GOLM2: variants seen among roughly 807,000 people sequenced by gnomAD.
GOLM2 encodes the protein golgi membrane protein 2.
In GOLM2, 26 loss-of-function variants were observed where a neutral mutation model predicts 55.9. The ratio of observed to expected loss-of-function variants is 0.47; its 90% CI spans 0.34 to 0.65. The LOEUF (loss-of-function observed/expected upper bound fraction) is 0.65, where lower values mean the gene tolerates loss of function less well. Among genes scored for constraint, GOLM2 ranks in the 30% least tolerant of loss-of-function variants. The pLI is 0.01. For missense variants in GOLM2, 486 were observed against 531.8 expected (o/e 0.91, Z 0.85); for synonymous variants, 165 against 194.6 (o/e 0.85, Z 1.27).
intron 8 of GOLM2, among the ~76,000 whole-genome samples, chr15:44,386,621 AG>A (rs2079445700): frequency 6.6e-6 from 1 of 152,238 alleles, no homozygotes; most frequent in African/African-American, 2.4e-5. Flanking sequence ...CTATAATTCC[AG>A]CATTTTGTGG....
rs141055161 is a variant in GOLM2 at position 44,411,538 on chromosome 15, T to C, written c.1241-1798T>C. ...AAGTCTGCAGAGAAGCCAAAAGATATCATAAAAATCCATGTACTCTACGCC... is the reference window on the plus strand; with the variant it reads ...AAGTCTGCAGAGAAGCCAAAAGATACCATAAAAATCCATGTACTCTACGCC... On this transcript the variant is annotated intron_variant, in intron 9 of 9. Transcript: ENST00000299957. 2.0e-3 allele frequency among the ~76,000 whole-genome samples: 306 copies of C among 152,168 alleles called. 1 individual carries two copies. The highest frequency in any genetic ancestry group is 7.0e-3 in the African/African-American group (290 of 41,522).
chr15:44,397,497 A>AAAAAAC (rs1567043587), intron 8 of GOLM2, among the ~76,000 whole-genome samples: 2 of 147,782 alleles, frequency 1.4e-5, no homozygotes, highest in African/African-American at 5.0e-5. Context: ...AAAAAAAAAA[A>AAAAAAC]AAAAACAAAA....
At chr15:44,364,927 G>A (rs778749518) in intron 6 of GOLM2, among the ~76,000 whole-genome samples, 15 of 152,192 alleles carry the variant, frequency 9.9e-5, no homozygotes, top group Non-Finnish European at 2.1e-4. Flanking sequence ...CAATTTTTAT[G>A]TGTTGCTGGT....
intron 6 of GOLM2, among the ~76,000 whole-genome samples, chr15:44,378,334 C>G (rs1483179746): frequency 1.3e-5 from 2 of 148,688 alleles, no homozygotes; most frequent in South Asian, 2.1e-4. Context: ...GAATTATAGG[C>G]GTGAGCCACC....
chr15:44,377,256 C>A (rs2079370639), intron 6 of GOLM2, among the ~76,000 whole-genome samples: 1 of 152,148 alleles, frequency 6.6e-6, no homozygotes, highest in South Asian at 2.1e-4. Flanking sequence ...CCTGTGGTCC[C>A]AGCTACTTGG....
chr15:44,399,931 G>C (rs1224327359), intron 8 of GOLM2, among the ~76,000 whole-genome samples: 2 of 151,452 alleles, frequency 1.3e-5, no homozygotes, highest in African/African-American at 4.9e-5. Context: ...GGAGGTGGAG[G>C]TTGCAGTGAG....
chr15:44,346,764 A>G (rs1319458735), intron 6 of GOLM2, among the ~76,000 whole-genome samples: 1 of 152,214 alleles, frequency 6.6e-6, no homozygotes, highest in Non-Finnish European at 1.5e-5. Flanking sequence ...TTTTCATTAT[A>G]TAATCTTCTG....
intron 6 of GOLM2, among the ~76,000 whole-genome samples, chr15:44,340,543 C>T (rs1442647605): frequency 2.0e-5 from 3 of 152,182 alleles, no homozygotes; most frequent in African/African-American, 7.2e-5. Context: ...TAGGCGGGAG[C>T]TGTGGTGCCT....
intron 6 of GOLM2, among the ~76,000 whole-genome samples, chr15:44,353,977 C>T (rs910144789): frequency 6.6e-6 from 1 of 152,040 alleles, no homozygotes; most frequent in Non-Finnish European, 1.5e-5. Flanking sequence ...ATGGATGCCC[C>T]ATTTACCCTG....
intron 1 of GOLM2, among the ~76,000 whole-genome samples, chr15:44,294,895 C>CAA (rs879342350): frequency 8.1e-6 from 1 of 123,418 alleles, no homozygotes; most frequent in Non-Finnish European, 1.7e-5. Context: ...CTCTGTCTCA[C>CAA]AAAAAAAAAA....
intron 9 of GOLM2, chr15:44,409,932 A>C (rs943998383): frequency 6.6e-6 from 1 of 150,682 alleles, no homozygotes; most frequent in Non-Finnish European, 1.5e-5. Context: ...AAAAAAAAAA[A>C]TCCCAAAAAG....
At chr15:44,310,466 ATATG>A (rs1281273757) in intron 1 of GOLM2, among the ~76,000 whole-genome samples, 6 of 133,710 alleles carry the variant, frequency 4.5e-5, no homozygotes, top group African/African-American at 1.2e-4. Context: ...ATATATATAT[ATATG>A]TATATATATA....
intron 6 of GOLM2, among the ~76,000 whole-genome samples, chr15:44,363,239 C>G (rs2079255471): frequency 6.6e-6 from 1 of 152,090 alleles, no homozygotes; most frequent in Non-Finnish European, 1.5e-5. Context: ...AAGAAACTAC[C>G]ATCAGAGTGA....
At chr15:44,376,746 A>G (rs188899611) in intron 6 of GOLM2, among the ~76,000 whole-genome samples, 2 of 152,274 alleles carry the variant, frequency 1.3e-5, no homozygotes, top group East Asian at 1.9e-4. Context: ...CGTTTGTTTC[A>G]GTACGACTAA....
At chr15:44,404,047 T>A (rs2079582684) in intron 9 of GOLM2, among the ~76,000 whole-genome samples, 1 of 152,210 alleles carries the variant, frequency 6.6e-6, no homozygotes, top group Non-Finnish European at 1.5e-5. Flanking sequence ...CAGAGTGTTT[T>A]ACTCTATTAC....
chr15:44,381,843 G>T (rs2079405283), intron 8 of GOLM2, among the ~76,000 whole-genome samples: 1 of 151,956 alleles, frequency 6.6e-6, no homozygotes, highest in Non-Finnish European at 1.5e-5. Flanking sequence ...TTAGAGACGG[G>T]GGTCTCGCTT....
chr15:44,384,703 C>T (rs1305149121), intron 8 of GOLM2, among the ~76,000 whole-genome samples: 2 of 151,412 alleles, frequency 1.3e-5, no homozygotes, highest in African/African-American at 4.9e-5. Context: ...GCCAAGATCG[C>T]GCCACTGCAC....
rs202141257 is a variant in GOLM2, at chr15:44,318,225, T to TA, written c.328-4731dup. ...CTTTTGATTTTTTCCTTCAGCTATT[T>TA]AAAAAAAAATGTAACAGTCATCCTT... On this transcript the variant is annotated intron_variant, in intron 1 of 9. Coordinates refer to ENST00000299957, the MANE Select transcript of GOLM2 (RefSeq NM_138423.4). Among the ~76,000 whole-genome samples, 73 of 151,640 alleles carry TA rather than the reference T, an allele frequency of 4.8e-4. No homozygotes were observed. In the East Asian group the frequency reaches 7.5e-3, roughly 16 times the overall value.
chr15:44,364,060 G>A (rs1427049542), intron 6 of GOLM2, among the ~76,000 whole-genome samples: 1 of 151,654 alleles, frequency 6.6e-6, no homozygotes, highest in Non-Finnish European at 1.5e-5. Flanking sequence ...GGGGGAGCGG[G>A]GAGGGATAGC....
Sources: allele counts gnomAD v4.1 joint callset (sites outside exome capture counted in the v4.1 genomes callset), GRCh38; gene constraint gnomAD v4.1.1; transcripts MANE v1.5; gene names NCBI Gene and HGNC (gene_info 2026-07-23, HGNC 2026-07-21).